Variants in CLVS1 observed in about 807,000 individuals in gnomAD.
CLVS1 encodes the protein clavesin-1.
In CLVS1, 10 loss-of-function variants were observed where a neutral mutation model predicts 33.1. The observed-to-expected ratio is 0.30, with a 90% CI of 0.19 to 0.51. The LOEUF (loss-of-function observed/expected upper bound fraction) is 0.51, where lower values mean the gene tolerates loss of function less well. Among genes scored for constraint, CLVS1 ranks in the 20% least tolerant of loss-of-function variants. The probability of loss-of-function intolerance (pLI) is 0.97; values close to 1 mark genes in which losing one functional copy is unlikely to be tolerated. For synonymous variants in CLVS1, 163 were observed against 166.1 expected, an observed-to-expected ratio of 0.98 and a Z score of 0.14; for missense variants, 343 against 433.4, an observed-to-expected ratio of 0.79 and a Z score of 1.85.
At chr8:61,423,594 T>A (rs1423509848) in intron 3 of CLVS1, among the ~76,000 whole-genome samples, 1 of 152,186 alleles carries the variant, frequency 6.6e-6, no homozygotes, top group Non-Finnish European at 1.5e-5. Flanking sequence ...TGCCTGGTAA[T>A]GAAGAGCGCC....
At chr8:61,418,105 T>A (rs1815514495) in intron 3 of CLVS1, among the ~76,000 whole-genome samples, 1 of 152,218 alleles carries the variant, frequency 6.6e-6, no homozygotes, top group African/African-American at 2.4e-5. Context: ...ACTGCCCCTG[T>A]CACCTGAGCA....
At chr8:60,985,627 C>G in the CLVS1 span, among the ~76,000 whole-genome samples, 102 of 152,244 alleles carry the variant, frequency 6.7e-4, no homozygotes, top group African/African-American at 2.4e-3. Context: ...AAAATATTTA[C>G]CAGTTCTGAA....
intron 2 of CLVS1, among the ~76,000 whole-genome samples, chr8:61,373,322 G>T (rs1813514554): frequency 6.6e-6 from 1 of 152,146 alleles, no homozygotes; most frequent in Non-Finnish European, 1.5e-5. Flanking sequence ...AGTTTCTCTG[G>T]AAAAGTAAAG....
At chr8:61,406,623 G>C (rs561801039) in intron 3 of CLVS1, among the ~76,000 whole-genome samples, 26 of 151,854 alleles carry the variant, frequency 1.7e-4, no homozygotes, top group East Asian at 5.8e-4. Flanking sequence ...TTTTGTGGGG[G>C]GGGGGATGGA....
intron 2 of CLVS1, among the ~76,000 whole-genome samples, chr8:61,163,082 A>T (rs912516591): frequency 3.3e-5 from 5 of 152,188 alleles, no homozygotes; most frequent in African/African-American, 1.2e-4. Context: ...GTCCAACCCC[A>T]GAAAACCCTG....
chr8:61,384,795 G>A (rs1198987882), intron 3 of CLVS1, among the ~76,000 whole-genome samples: 1 of 152,158 alleles, frequency 6.6e-6, no homozygotes, highest in Non-Finnish European at 1.5e-5. Flanking sequence ...CCTAGGGAGG[G>A]AGAAGCAGTG....
chr8:61,499,662 T>G lies in CLVS1; in HGVS notation c.*120T>G, dbSNP rs115275391. 3.1e-6 allele frequency: 2 copies of G among 643,810 alleles called. No individual in the cohort carries two copies. Among genetic ancestry groups the G allele is most frequent in the Non-Finnish European group, 5.5e-6 (2 of 362,410 alleles). 39.9% of individuals were successfully genotyped at this position (643,810 alleles called of 1,614,324 possible). Reference sequence around the variant, plus strand: ...TTCTGCTTGACACAAGGTCCTCCACTCCTGAACCCCTGCAGTGACTGTCAC... The same window carrying G: ...TTCTGCTTGACACAAGGTCCTCCACGCCTGAACCCCTGCAGTGACTGTCAC... On this transcript the variant is annotated 3_prime_UTR_variant, in exon 6 of 6. Coordinates refer to ENST00000325897, the MANE Select transcript of CLVS1 (RefSeq NM_173519.3).
At chr8:61,098,868 A>G (rs1319604527) in intron 1 of CLVS1, among the ~76,000 whole-genome samples, 1 of 152,220 alleles carries the variant, frequency 6.6e-6, no homozygotes, top group Non-Finnish European at 1.5e-5. Context: ...TATACTGAAC[A>G]GTTTGCCAAA....
At position 61,376,780 on chromosome 8, in the gene CLVS1, G is replaced by C; in HGVS notation, c.630+1G>C. 1 of 1,613,000 alleles carries C rather than the reference G, an allele frequency of 6.2e-7. No homozygotes were observed. Among genetic ancestry groups the C allele is most frequent in the Non-Finnish European group, 8.5e-7 (1 of 1,179,278 alleles). On this transcript the variant is annotated splice_donor_variant, in intron 3 of 5. Transcript: ENST00000325897. LOFTEE classifies it high-confidence loss of function. ...TAAACTGGCCATTGAAGGGTTGCAG[G>C]TATGTTCAATGAATGCGCAATACAA... is the stretch of plus-strand genomic sequence containing the variant.
chr8:60,978,106 T>C, the CLVS1 span, among the ~76,000 whole-genome samples: 2 of 152,214 alleles, frequency 1.3e-5, no homozygotes, highest in South Asian at 2.1e-4. Flanking sequence ...AAACAAAAGC[T>C]GAGGGAGCTC....
At chr8:61,016,300 C>T in the CLVS1 span, among the ~76,000 whole-genome samples, 1 of 152,208 alleles carries the variant, frequency 6.6e-6, no homozygotes, top group South Asian at 2.1e-4. Flanking sequence ...GTAAGGGGTA[C>T]TCAACCTGTA....
At chr8:61,296,333 A>G (rs1810209720) in intron 1 of CLVS1, among the ~76,000 whole-genome samples, 1 of 152,218 alleles carries the variant, frequency 6.6e-6, no homozygotes, top group Non-Finnish European at 1.5e-5. Context: ...TTGGAGGCAT[A>G]GCTATATGTG....
intron 1 of CLVS1, among the ~76,000 whole-genome samples, chr8:61,063,380 G>A (rs1249448555): frequency 1.3e-5 from 2 of 152,016 alleles, no homozygotes; most frequent in Non-Finnish European, 2.9e-5. Context: ...AGGAGGCTAA[G>A]CTGAGGTGCA....
the CLVS1 span, among the ~76,000 whole-genome samples, chr8:61,039,776 GC>G: frequency 6.6e-6 from 1 of 152,164 alleles, no homozygotes; most frequent in Non-Finnish European, 1.5e-5. Context: ...CTGGGCTGAA[GC>G]CATCCTCTCA....
intron 2 of CLVS1, among the ~76,000 whole-genome samples, chr8:61,358,594 A>T (rs1452999612): frequency 6.6e-6 from 1 of 152,210 alleles, no homozygotes; most frequent in Non-Finnish European, 1.5e-5. Flanking sequence ...ACATATGCTC[A>T]CACTAAATTA....
At chr8:61,497,576 A>G (rs1004270334) in intron 5 of CLVS1, among the ~76,000 whole-genome samples, 1 of 152,086 alleles carries the variant, frequency 6.6e-6, no homozygotes, top group African/African-American at 2.4e-5. Context: ...TCTTTGGGTC[A>G]GGGGTTTCCT....
intron 1 of CLVS1, among the ~76,000 whole-genome samples, chr8:61,298,373 G>A (rs545069771): frequency 6.6e-6 from 1 of 152,158 alleles, no homozygotes; most frequent in South Asian, 2.1e-4. Context: ...AAGTTATTTT[G>A]CAAAGCCGAT....
chr8:61,176,811 C>T lies in CLVS1; in HGVS notation c.-152+44951C>T, dbSNP rs113832527. On this transcript the variant is annotated intron_variant, in intron 2 of 2. Transcript: ENST00000522621. ...AGCCTGGGAAACCGTGCCTTTTCCA[C>T]GGATCTGTGCAACCCACAGATTGAA... 9.8e-3 allele frequency among the ~76,000 whole-genome samples: 1,486 copies of T among 152,252 alleles called. 34 individuals are homozygous for T. The highest frequency in any genetic ancestry group is 0.033 in the African/African-American group (1,368 of 41,560).
At chr8:61,033,350 G>A in the CLVS1 span, among the ~76,000 whole-genome samples, 2 of 45,472 alleles carry the variant, frequency 4.4e-5, 1 homozygote, top group Non-Finnish European at 1.4e-4. Context: ...TAGCAGGGCA[G>A]CCTGGCTTGT....
Sources: allele counts gnomAD v4.1 joint callset (sites outside exome capture counted in the v4.1 genomes callset), GRCh38; gene constraint gnomAD v4.1.1; transcripts MANE v1.5; gene names NCBI Gene and HGNC (gene_info 2026-07-23, HGNC 2026-07-21).